Variants in GALNT13 observed in about 807,000 individuals in gnomAD.
GALNT13 encodes the protein polypeptide N-acetylgalactosaminyltransferase 13, also known as UDP-GalNAc:polypeptide N-acetylgalactosaminyltransferase 13.
In GALNT13, 28 loss-of-function variants were observed where a neutral mutation model predicts 64.2. The ratio of observed to expected loss-of-function variants is 0.44; its 90% CI spans 0.32 to 0.60. The LOEUF is 0.60. GALNT13 is among the 20% of genes least tolerant of loss of function. GALNT13 has a pLI of 0.05. For synonymous variants in GALNT13, 214 were observed against 224.6 expected (o/e 0.95, Z 0.42); for missense variants, 577 against 669.8 (o/e 0.86, Z 1.53).
At chr2:154,298,167 G>C (rs1574041842) in intron 8 of GALNT13, among the ~76,000 whole-genome samples, 2 of 151,662 alleles carry the variant, frequency 1.3e-5, no homozygotes, top group East Asian at 1.9e-4. Flanking sequence ...AGTAAAAATG[G>C]ATAAACATAT....
At chr2:153,490,944 A>G in the GALNT13 span, among the ~76,000 whole-genome samples, 4 of 150,040 alleles carry the variant, frequency 2.7e-5, no homozygotes, top group Non-Finnish European at 5.9e-5. Flanking sequence ...TGGGTGACAA[A>G]GCCAGACTCT....
chr2:153,939,571 A>G (rs529366069), intron 2 of GALNT13, among the ~76,000 whole-genome samples: 41 of 152,304 alleles, frequency 2.7e-4, no homozygotes, highest in African/African-American at 9.4e-4. Flanking sequence ...GACTCATACC[A>G]CATTAGAAAC....
At chr2:153,507,811 A>G in the GALNT13 span, among the ~76,000 whole-genome samples, 1 of 152,164 alleles carries the variant, frequency 6.6e-6, no homozygotes, top group Non-Finnish European at 1.5e-5. Context: ...GTCAGAGGGA[A>G]GATATGGGAC....
At chr2:153,754,053 G>A in the GALNT13 span, among the ~76,000 whole-genome samples, 1 of 152,180 alleles carries the variant, frequency 6.6e-6, no homozygotes, top group Non-Finnish European at 1.5e-5. Flanking sequence ...GGGCTCTTCA[G>A]TCAGCTTGTG....
At chr2:153,842,802 A>G in the GALNT13 span, among the ~76,000 whole-genome samples, 1 of 152,136 alleles carries the variant, frequency 6.6e-6, no homozygotes, top group Non-Finnish European at 1.5e-5. Flanking sequence ...TAATAACCAC[A>G]TATGAACTTT....
chr2:154,086,217 G>T (rs1376126157), intron 3 of GALNT13, among the ~76,000 whole-genome samples: 1 of 147,720 alleles, frequency 6.8e-6, no homozygotes, highest in Non-Finnish European at 1.5e-5. Flanking sequence ...ATACGCCAGA[G>T]AACCCAATTC....
At chr2:153,394,915 A>G in the GALNT13 span, among the ~76,000 whole-genome samples, 2 of 152,248 alleles carry the variant, frequency 1.3e-5, no homozygotes, top group South Asian at 2.1e-4. Flanking sequence ...TATGTTGGCC[A>G]TATGTGTCCT....
chr2:154,018,489 C>G (rs1465005066), intron 3 of GALNT13, among the ~76,000 whole-genome samples: 7 of 151,998 alleles, frequency 4.6e-5, no homozygotes, highest in Non-Finnish European at 1.0e-4. Flanking sequence ...AGAGTTCAAC[C>G]TTTTTTATTA....
chr2:154,183,907 G>T (rs977704693), intron 4 of GALNT13, among the ~76,000 whole-genome samples: 3 of 151,836 alleles, frequency 2.0e-5, no homozygotes, highest in Non-Finnish European at 2.9e-5. Flanking sequence ...CTTTGAAATG[G>T]AAAGTTAAGT....
the GALNT13 span, among the ~76,000 whole-genome samples, chr2:153,724,881 T>G: frequency 1.3e-5 from 2 of 151,048 alleles, no homozygotes; most frequent in Admixed American, 6.6e-5. Context: ...GTTCAACCAT[T>G]GTGGAAGTCA....
intron 2 of GALNT13, 43 bp downstream of exon 2, chr2:153,901,050 C>T (rs1016871649): frequency 6.6e-6 from 1 of 152,098 alleles, no homozygotes; most frequent in East Asian, 1.9e-4. Context: ...CAGTCATGTT[C>T]GATTAATTTG....
intron 3 of GALNT13, among the ~76,000 whole-genome samples, chr2:154,064,102 G>A (rs1420715590): frequency 6.6e-6 from 1 of 152,170 alleles, no homozygotes; most frequent in East Asian, 1.9e-4. Flanking sequence ...ATAGGACATT[G>A]CATTAGAACC....
the GALNT13 span, among the ~76,000 whole-genome samples, chr2:153,254,777 T>G: frequency 1.9e-4 from 29 of 152,020 alleles, no homozygotes; most frequent in South Asian, 4.2e-4. Flanking sequence ...AGTTGAGTGG[T>G]TTTGAGTGAG....
At chr2:153,424,369 A>G in the GALNT13 span, among the ~76,000 whole-genome samples, 8 of 151,730 alleles carry the variant, frequency 5.3e-5, no homozygotes, top group Admixed American at 5.3e-4. Flanking sequence ...CTGGATATAT[A>G]GAAGATATTT....
At chr2:154,163,289 A>C (rs1684843609) in intron 4 of GALNT13, among the ~76,000 whole-genome samples, 1 of 151,784 alleles carries the variant, frequency 6.6e-6, no homozygotes, top group Admixed American at 6.6e-5. Flanking sequence ...CCCTTCAAAA[A>C]ATCAATGAAT....
intron 4 of GALNT13, among the ~76,000 whole-genome samples, chr2:154,192,817 T>TA (rs1001708718): frequency 1.3e-5 from 2 of 152,230 alleles, no homozygotes; most frequent in African/African-American, 4.8e-5. Flanking sequence ...GGCTTATGTG[T>TA]AGCTTGAAAA....
chr2:154,032,126 C>T (rs944916551), intron 3 of GALNT13, among the ~76,000 whole-genome samples: 26 of 151,668 alleles, frequency 1.7e-4, no homozygotes, highest in African/African-American at 6.3e-4. Flanking sequence ...AATATAGAAG[C>T]AGCAATCAAA....
At chr2:154,046,666 TA>T (rs1416993292) in intron 3 of GALNT13, among the ~76,000 whole-genome samples, 2 of 152,166 alleles carry the variant, frequency 1.3e-5, no homozygotes, top group Admixed American at 6.6e-5. Flanking sequence ...TATAAGACTT[TA>T]AAGATGTGAC....
At chr2:153,955,882 G>C (rs1692531830) in intron 3 of GALNT13, among the ~76,000 whole-genome samples, 1 of 152,140 alleles carries the variant, frequency 6.6e-6, no homozygotes. Context: ...TGGCTCTGGG[G>C]GCCCTACCAA....
Sources: gnomAD v4.1 joint callset for allele counts (sites outside exome capture counted in the v4.1 genomes callset) on GRCh38, gnomAD v4.1.1 for gene constraint, MANE v1.5 for transcripts, NCBI Gene and HGNC (gene_info 2026-07-23, HGNC 2026-07-21) for gene names.